The following SH3BGRL2 variants were observed in gnomAD, a reference collection of about 807,000 sequenced individuals.
SH3BGRL2 encodes SH3 domain-binding glutamic acid-rich-like protein 2.
A neutral mutation model predicts 14.8 loss-of-function variants in SH3BGRL2; 21 were observed. The ratio of observed to expected loss-of-function variants is 1.42; its 90% CI spans 1.01 to 2.05. SH3BGRL2 has a LOEUF of 2.05. Ranked by LOEUF, SH3BGRL2 falls within the 30% of genes most tolerant of loss-of-function variation. The probability of loss-of-function intolerance (pLI) is 0.00; values close to 1 mark genes in which losing one functional copy is unlikely to be tolerated. For synonymous variants in SH3BGRL2, 50 were observed against 47.8 expected, an observed-to-expected ratio of 1.05 and a Z score of -0.19; for missense variants, 147 against 130.8, an observed-to-expected ratio of 1.12 and a Z score of -0.61.
the SH3BGRL2 span, among the ~76,000 whole-genome samples, chr6:79,616,504 C>T: frequency 1.3e-5 from 2 of 152,062 alleles, no homozygotes; most frequent in East Asian, 3.9e-4. Context: ...CTCACTTCAT[C>T]CTAATAATGG....
the SH3BGRL2 span, among the ~76,000 whole-genome samples, chr6:79,579,631 C>T: frequency 6.6e-6 from 1 of 152,142 alleles, no homozygotes; most frequent in Non-Finnish European, 1.5e-5. Flanking sequence ...GCCGGCCTTA[C>T]AAGAGCTCCC....
the SH3BGRL2 span, among the ~76,000 whole-genome samples, chr6:79,537,808 A>G: frequency 6.6e-6 from 1 of 152,172 alleles, no homozygotes; most frequent in African/African-American, 2.4e-5. Flanking sequence ...TTGCTTTTAA[A>G]TTGTAAACAA....
chr6:79,563,937 C>A, the SH3BGRL2 span, among the ~76,000 whole-genome samples: 1 of 152,174 alleles, frequency 6.6e-6, no homozygotes, highest in Non-Finnish European at 1.5e-5. Flanking sequence ...TAGGACTAGG[C>A]AGCTGATGCT....
chr6:79,691,789 TATTGTGAATAGTGCCACAATAAAC>T (rs1562159525), intron 2 of SH3BGRL2, among the ~76,000 whole-genome samples: 1 of 151,822 alleles, frequency 6.6e-6, no homozygotes, highest in Non-Finnish European at 1.5e-5. Context: ...AAGTCTTTGC[TATTGTGAATAGTGCCACAATAAAC>T]ATACGTGTGC....
At chr6:79,680,462 C>T (rs1769967030) in intron 2 of SH3BGRL2, among the ~76,000 whole-genome samples, 1 of 152,192 alleles carries the variant, frequency 6.6e-6, no homozygotes, top group Non-Finnish European at 1.5e-5. Context: ...TAGAATCACA[C>T]TGTTTGATGA....
At chr6:79,628,821 C>T (rs1185664876), upstream of SH3BGRL2, among the ~76,000 whole-genome samples, 1 of 152,174 alleles carries the variant, frequency 6.6e-6, no homozygotes, top group African/African-American at 2.4e-5. Flanking sequence ...TGCATTTGGA[C>T]ACAGAGCGCT....
upstream of SH3BGRL2, among the ~76,000 whole-genome samples, chr6:79,626,379 C>G (rs960672774): frequency 1.3e-5 from 2 of 152,170 alleles, no homozygotes; most frequent in Non-Finnish European, 2.9e-5. Context: ...CCCTTTATAA[C>G]TTCTGCCCTT....
At chr6:79,624,680 A>G in the SH3BGRL2 span, among the ~76,000 whole-genome samples, 4 of 152,108 alleles carry the variant, frequency 2.6e-5, no homozygotes, top group African/African-American at 9.7e-5. Context: ...CATATCTCAA[A>G]GCTTCCTTGT....
At chr6:79,584,419 T>C in the SH3BGRL2 span, among the ~76,000 whole-genome samples, 3 of 152,234 alleles carry the variant, frequency 2.0e-5, no homozygotes, top group South Asian at 6.2e-4. Flanking sequence ...CAAATGGAAA[T>C]GTAAAAGAGT....
At chr6:79,631,717 C>T (rs1341596776) in intron 1 of SH3BGRL2, among the ~76,000 whole-genome samples, 1 of 152,212 alleles carries the variant, frequency 6.6e-6, no homozygotes, top group African/African-American at 2.4e-5. Flanking sequence ...AATGCCCACC[C>T]TGCGTGGCCT....
At chr6:79,603,851 C>G in the SH3BGRL2 span, among the ~76,000 whole-genome samples, 1 of 152,178 alleles carries the variant, frequency 6.6e-6, no homozygotes, top group Non-Finnish European at 1.5e-5. Flanking sequence ...GTTACCCAGG[C>G]TGGAGTACAG....
chr6:79,588,289 T>TTAA, the SH3BGRL2 span, among the ~76,000 whole-genome samples: 1 of 124,048 alleles, frequency 8.1e-6, no homozygotes. Flanking sequence ...AGACTCTGTC[T>TTAA]AAAAAAAAAA....
the SH3BGRL2 span, among the ~76,000 whole-genome samples, chr6:79,556,879 T>C: frequency 1.3e-5 from 2 of 151,926 alleles, no homozygotes; most frequent in African/African-American, 4.8e-5. Context: ...ATAATAAATA[T>C]GCAAAAACAT....
chr6:79,679,595 A>T (rs1769951246), intron 2 of SH3BGRL2, among the ~76,000 whole-genome samples: 1 of 152,108 alleles, frequency 6.6e-6, no homozygotes. Context: ...ATATACCTAC[A>T]AGTGAGATTG....
the SH3BGRL2 span, among the ~76,000 whole-genome samples, chr6:79,606,639 C>T: frequency 1.3e-5 from 2 of 152,112 alleles, no homozygotes; most frequent in African/African-American, 2.4e-5. Flanking sequence ...ATCAAAAACC[C>T]ACATTCCTAC....
the SH3BGRL2 span, among the ~76,000 whole-genome samples, chr6:79,562,796 T>A: frequency 3.3e-5 from 5 of 152,242 alleles, no homozygotes; most frequent in East Asian, 1.9e-4. Context: ...TAAGTTTTTT[T>A]AAAAACCAAA....
At chr6:79,574,212 C>T in the SH3BGRL2 span, 2 of 152,098 alleles carry the variant, frequency 1.3e-5, no homozygotes, top group South Asian at 2.1e-4. Context: ...CAACAAAGAA[C>T]AATAAATTTG....
the SH3BGRL2 span, among the ~76,000 whole-genome samples, chr6:79,568,418 CAT>C: frequency 9.9e-5 from 15 of 152,244 alleles, no homozygotes; most frequent in African/African-American, 3.4e-4. Context: ...ACTATAGCTT[CAT>C]GTGTCCACGT....
the SH3BGRL2 span, among the ~76,000 whole-genome samples, chr6:79,549,219 A>G: frequency 2.0e-5 from 3 of 152,224 alleles, no homozygotes; most frequent in Non-Finnish European, 2.9e-5. Context: ...TCTGGAAAAT[A>G]CAAACTAAAT....
Sources: gnomAD v4.1 joint callset for allele counts (sites outside exome capture counted in the v4.1 genomes callset) on GRCh38, gnomAD v4.1.1 for gene constraint, MANE v1.5 for transcripts, NCBI Gene and HGNC (gene_info 2026-07-23, HGNC 2026-07-21) for gene names.